MIB1: variants seen among roughly 807,000 people sequenced by gnomAD.
MIB1 encodes MIB E3 ubiquitin protein ligase 1.
A neutral mutation model predicts 124.5 loss-of-function variants in MIB1; 278 were observed. The ratio of observed to expected loss-of-function variants is 2.23; its 90% CI spans 2.02 to 2.47. The LOEUF is 2.47. MIB1 is among the 30% of genes most tolerant of loss of function. MIB1 has a pLI of 0.00. For missense variants in MIB1, 957 were observed against 1,254.4 expected, an observed-to-expected ratio of 0.76 and a Z score of 3.58; for synonymous variants, 446 against 429.4, an observed-to-expected ratio of 1.04 and a Z score of -0.48.
intron 12 of MIB1, among the ~76,000 whole-genome samples, chr18:21,836,324 A>G (rs1404111710): frequency 7.1e-6 from 1 of 140,718 alleles, no homozygotes; most frequent in African/African-American, 2.7e-5. Context: ...CCTGGGCTGG[A>G]GTGCAGTGGC....
intron 1 of MIB1, among the ~76,000 whole-genome samples, chr18:21,708,052 G>A (rs1388615743): frequency 2.0e-5 from 3 of 151,976 alleles, no homozygotes; most frequent in East Asian, 1.9e-4. Context: ...TCATTATCTC[G>A]CCTAAACCTA....
At chr18:21,765,191 C>T (rs981613421) in intron 1 of MIB1, among the ~76,000 whole-genome samples, 1 of 152,048 alleles carries the variant, frequency 6.6e-6, no homozygotes, top group African/African-American at 2.4e-5. Flanking sequence ...CTTATTATTT[C>T]TTGTTTCCTA....
intron 18 of MIB1, among the ~76,000 whole-genome samples, chr18:21,853,950 T>G (rs536149115): frequency 1.8e-4 from 25 of 136,546 alleles, no homozygotes; most frequent in Non-Finnish European, 3.5e-4. Context: ...CTGCAACCTC[T>G]GCCTTCCCAA....
chr18:21,784,660 G>T (rs1003339381), intron 6 of MIB1, among the ~76,000 whole-genome samples: 2 of 152,176 alleles, frequency 1.3e-5, no homozygotes, highest in Admixed American at 1.3e-4. Flanking sequence ...AGGCTATACA[G>T]ATATAGGAGC....
intron 6 of MIB1, among the ~76,000 whole-genome samples, chr18:21,784,988 G>T (rs970290462): frequency 1.3e-5 from 2 of 152,120 alleles, no homozygotes; most frequent in Non-Finnish European, 2.9e-5. Context: ...TGTACACCTG[G>T]CTCCGTCTTC....
chr18:21,759,076 A>T (rs1287234331), intron 1 of MIB1, among the ~76,000 whole-genome samples: 1 of 151,966 alleles, frequency 6.6e-6, no homozygotes, highest in Non-Finnish European at 1.5e-5. Flanking sequence ...TCTCACTTGC[A>T]TTCTTTCCCC....
At chr18:21,759,211 ATG>A (rs1387881499) in intron 1 of MIB1, among the ~76,000 whole-genome samples, 1 of 150,768 alleles carries the variant, frequency 6.6e-6, no homozygotes, top group South Asian at 2.1e-4. Context: ...TTCTATACAT[ATG>A]TGTGTATATA....
chr18:21,853,984 G>A (rs554797970), intron 18 of MIB1, among the ~76,000 whole-genome samples: 8 of 112,058 alleles, frequency 7.1e-5, no homozygotes, highest in African/African-American at 1.4e-4. Context: ...CGTGTCCTCC[G>A]CCTAGGCAAC....
intron 11 of MIB1, chr18:21,817,800 T>C: frequency 3.3e-6 from 1 of 302,688 alleles, no homozygotes. Context: ...GGACAGTGAC[T>C]GGGGAGACAA....
intron 11 of MIB1, among the ~76,000 whole-genome samples, chr18:21,818,860 G>A (rs1448611786): frequency 2.0e-5 from 3 of 152,084 alleles, no homozygotes; most frequent in Admixed American, 6.6e-5. Flanking sequence ...GCTTGAAACC[G>A]GAAAGTGGAG....
chr18:21,855,695 A>G (rs2146517954), intron 18 of MIB1, among the ~76,000 whole-genome samples: 1 of 152,302 alleles, frequency 6.6e-6, no homozygotes, highest in Admixed American at 6.5e-5. Context: ...TTAGGAGTGT[A>G]GGCCCTACTT....
intron 3 of MIB1, among the ~76,000 whole-genome samples, chr18:21,771,228 C>T (rs895359683): frequency 2.0e-5 from 3 of 152,120 alleles, no homozygotes; most frequent in Non-Finnish European, 2.9e-5. Context: ...GTTTCCTCCT[C>T]AATAATAAAT....
chr18:21,864,418 A>G (rs1223335188), intron 20 of MIB1, 108 bp from the exon 21 acceptor site: 31 of 908,134 alleles, frequency 3.4e-5, no homozygotes, highest in Non-Finnish European at 5.1e-5. Context: ...AAAAACCACC[A>G]AAATATTATT....
intron 12 of MIB1, chr18:21,827,254 T>C (rs940186423): frequency 6.6e-5 from 10 of 152,086 alleles, no homozygotes; most frequent in African/African-American, 2.4e-4. Flanking sequence ...AGATGTGACA[T>C]TTTAGAGTGA....
chr18:21,779,821 A>C, intron 6 of MIB1, 136 bp downstream of exon 6: 2 of 683,678 alleles, frequency 2.9e-6, no homozygotes, highest in Non-Finnish European at 5.1e-6. Flanking sequence ...AATCCAGAAT[A>C]TATATTGGTA....
chr18:21,858,035 T>C (rs2083706725), intron 19 of MIB1, among the ~76,000 whole-genome samples: 1 of 152,228 alleles, frequency 6.6e-6, no homozygotes, highest in Non-Finnish European at 1.5e-5. Context: ...CTACAGATGA[T>C]GGCCTTTCTT....
chr18:21,741,699 T>TC lies in MIB1; in HGVS notation c.118dup (p.Arg40ProfsTer42). ...GGCGGCGAGGGCCATGTGGGCACCGTCCGGAGCTTCGAGAGCCCCGAGGAG... is the reference window on the plus strand; with the variant it reads ...GGCGGCGAGGGCCATGTGGGCACCGTCCCGGAGCTTCGAGAGCCCCGAGGAG... On this transcript the variant is annotated frameshift_variant, in exon 1 of 21. Transcript: ENST00000261537. LOFTEE classifies it high-confidence loss of function. The surrounding 1 kb of genome is among the most constrained non-coding windows in gnomAD (Gnocchi z 5.4). 6.2e-7 allele frequency: 1 copy of TC among 1,611,488 alleles called. No homozygotes were observed. The highest frequency in any genetic ancestry group is 8.5e-7 in the Non-Finnish European group (1 of 1,179,396).
chr18:21,776,092 C>A (rs1370266415), intron 4 of MIB1, among the ~76,000 whole-genome samples: 1 of 151,974 alleles, frequency 6.6e-6, no homozygotes, highest in Admixed American at 6.6e-5. Context: ...TGTGGCAAAA[C>A]CACATCTCTA....
At chr18:21,723,427 G>T (rs1019854411) in intron 1 of MIB1, among the ~76,000 whole-genome samples, 2 of 152,118 alleles carry the variant, frequency 1.3e-5, no homozygotes, top group African/African-American at 4.8e-5. Flanking sequence ...TGTACTCACT[G>T]CTACTGGATA....
Sources: gnomAD v4.1 joint callset for allele counts (sites outside exome capture counted in the v4.1 genomes callset) on GRCh38, gnomAD v4.1.1 for gene constraint, Gnocchi (gnomAD v3.1) non-coding constraint, MANE v1.5 for transcripts, NCBI Gene and HGNC (gene_info 2026-07-23, HGNC 2026-07-21) for gene names.